The following HECTD4 variants were observed in gnomAD, a reference collection of about 807,000 sequenced individuals.
HECTD4 encodes HECT domain E3 ubiquitin protein ligase 4, also known as probable E3 ubiquitin-protein ligase HECTD4.
In HECTD4, 114 loss-of-function variants were observed where a neutral mutation model predicts 471.5. That is an observed-to-expected ratio of 0.24 (90% CI 0.21 to 0.28). The LOEUF (loss-of-function observed/expected upper bound fraction) is 0.28, where lower values mean the gene tolerates loss of function less well. HECTD4 is among the 10% of genes least tolerant of loss of function. HECTD4 has a pLI of 1.00. For missense variants in HECTD4, 3,866 were observed against 5,651.5 expected (o/e 0.68, Z 10.13); for synonymous variants, 2,012 against 2,256.0 (o/e 0.89, Z 3.07).
At chr12:112,219,299 A>T (rs1566076824) in intron 45 of HECTD4, 87 bp downstream of exon 45, 35 of 927,900 alleles carry the variant, frequency 3.8e-5, no homozygotes, top group East Asian at 2.6e-5. Flanking sequence ...GCAAACACTT[A>T]TTCTAAATGT....
intron 72 of HECTD4, 131 bp downstream of exon 72, chr12:112,167,186 C>T (rs1241321150): frequency 2.8e-6 from 2 of 723,660 alleles, no homozygotes; most frequent in Non-Finnish European, 4.5e-6. Context: ...GCACATGGCT[C>T]ACACCCCTAA....
Position 112,167,907 on chromosome 12 carries a change from G to C in HECTD4, c.12219C>G (p.Phe4073Leu). 1.2e-6 allele frequency: 2 copies of C among 1,613,184 alleles called. No homozygotes were observed. The highest frequency in any genetic ancestry group is 1.7e-6 in the Non-Finnish European group (2 of 1,179,816). The change falls in exon 71 of 76, where the codon TTC (phenylalanine) becomes TTG (leucine). Residue 4073 changes from phenylalanine to leucine, a missense_variant. By Grantham distance (22) the Phe-to-Leu change is conservative. Transcript: ENST00000682272. ...GEEVHGTSGS[F>L]RHFLWQVCKE... ...TACACACCTGCCACAGGAAGTGGCG[G>C]AAAGAGCCGCCTGTAGGACAGACGA...
At position 112,250,226 on chromosome 12, in the gene HECTD4, G is replaced by A; in HGVS notation, c.3868C>T (p.Arg1290Trp). 6 of 1,613,938 alleles carry A rather than the reference G, an allele frequency of 3.7e-6. No individual in the cohort carries two copies. The highest frequency in any genetic ancestry group is 1.1e-5 in the South Asian group (1 of 91,076). ...ATGATTCCTGGAGGCAGTCTGATCC[G>A]AGGCAGATCAAAGTAGTTTCCAACA... ...PPVGNYFDLPRIRLPPGIMIK... is the reference protein window; with the variant it reads ...PPVGNYFDLPWIRLPPGIMIK... The change falls in exon 25 of 76, where the codon CGG (arginine) becomes TGG (tryptophan). Residue 1290 changes from arginine (R) to tryptophan (W), a missense_variant. Around this residue, in one of 16 missense-constraint regions of HECTD4, gnomAD observed 281 missense variants for 499.9 expected, o/e 0.56. Coordinates refer to ENST00000682272, the MANE Select transcript of HECTD4 (RefSeq NM_001388303.1).
In HECTD4 at chr12:112,164,110, C is replaced by T. The variant is rs771827069; in HGVS notation, c.12700G>A (p.Ala4234Thr). ...LCSRGRHILV[A>T]WENKDIYAAA... ...CCCCTGACACGCGCACACACTCACG[C>T]CACAAGGATGTGCCGGCCCCGGCTG... Residue 4234 changes from alanine (A) to threonine (T), a missense_variant and splice_region_variant, in exon 73 of 76, where the codon GCG becomes ACG. Physicochemically the swap from Ala to Thr is moderately conservative, Grantham distance 58 (BLOSUM62 0). Transcript: ENST00000682272. 3.0e-5 allele frequency: 48 copies of T among 1,583,986 alleles called. No homozygotes were observed. The South Asian group carries it at 5.3e-4, about 17-fold the overall frequency.
At position 112,239,861 on chromosome 12, in the gene HECTD4, A is replaced by T; in HGVS notation, c.5105+20T>A. On this transcript the variant is annotated intron_variant, in intron 33 of 75. Coordinates refer to ENST00000682272, the MANE Select transcript of HECTD4 (RefSeq NM_001388303.1). This position sits in a 1 kb window ranked among gnomAD's most constrained non-coding sequence, Gnocchi z 4.9. ...ACTGCAGGGTAACTTACATACAACA[A>T]AAGGCCTTTCCGTACTTACCTGGTG... 6.3e-7 allele frequency: 1 copy of T among 1,599,884 alleles called. No homozygotes were observed. Among genetic ancestry groups the T allele is most frequent in the Non-Finnish European group, 8.5e-7 (1 of 1,170,730 alleles).
At chr12:112,244,111 A>G (rs910974215) in intron 29 of HECTD4, 102 bp from the exon 30 acceptor site, 2 of 1,229,720 alleles carry the variant, frequency 1.6e-6, no homozygotes, top group Middle Eastern at 2.2e-4. Context: ...TTTGCTTTCT[A>G]TCACAGTTCA....
Position 112,256,421 on chromosome 12 carries a change from T to G in HECTD4, c.3226A>C (p.Arg1076=). The part of the protein sequence containing the change: ...GKTVETVHPV[R]DNYKFKETVH... ...GTTTCTTTAAATTTATAGTTGTCTCTGACGGGGTGGACTGTTTCCACAGTC... is the reference window on the plus strand; with the variant it reads ...GTTTCTTTAAATTTATAGTTGTCTCGGACGGGGTGGACTGTTTCCACAGTC... The change falls in exon 21 of 76, where the codon AGA becomes CGA. Residue 1076 remains arginine, a synonymous_variant. Transcript: ENST00000682272. The G allele has an allele frequency of 1.9e-6, 3 of 1,613,300 alleles. No homozygotes were observed. The highest frequency in any genetic ancestry group is 2.5e-6 in the Non-Finnish European group (3 of 1,179,550).
chr12:112,293,038 A>G (rs1411016244), intron 7 of HECTD4, among the ~76,000 whole-genome samples: 1 of 150,832 alleles, frequency 6.6e-6, no homozygotes, highest in East Asian at 2.0e-4. Context: ...AAGTAAAAAA[A>G]TATTTCATGA....
intron 1 of HECTD4, among the ~76,000 whole-genome samples, chr12:112,326,012 T>C (rs928128960): frequency 2.6e-4 from 39 of 152,156 alleles, no homozygotes; most frequent in African/African-American, 9.4e-4. Context: ...TAGTCTCAAA[T>C]TCCTGGGCTC....
At position 112,213,718 on chromosome 12, in the gene HECTD4, AT is replaced by A. The variant is rs201280064; in HGVS notation, c.7466-1069del. Among the ~76,000 whole-genome samples the A allele has an allele frequency of 0.19, 26,880 of 143,850 alleles. 4,244 individuals are homozygous for A. Among genetic ancestry groups the A allele is most frequent in the East Asian group, 0.84 (4,189 of 4,984 alleles). 94.4% of individuals were successfully genotyped at this position (143,850 alleles called of 152,430 possible). ...TATATACATATATATATATATATAT[AT>A]AATATATATATAAAATTTAAGGCCA... On this transcript the variant is annotated intron_variant, in intron 48 of 75. Transcript: ENST00000682272. This position sits in a 1 kb window ranked among gnomAD's most constrained non-coding sequence, Gnocchi z 4.0.
chr12:112,161,803 A>C lies in HECTD4; in HGVS notation c.*584T>G, dbSNP rs1409475224. ...TGTGGGCTTTTCCTCAGAAAAACCA[A>C]GACCGGGAGCAAGTTCTAAAGCAGG... On this transcript the variant is annotated 3_prime_UTR_variant, in exon 76 of 76. Coordinates refer to ENST00000682272, the MANE Select transcript of HECTD4 (RefSeq NM_001388303.1). The C allele has an allele frequency of 6.6e-6, 1 of 152,314 alleles. No individual in the cohort carries two copies. The highest frequency in any genetic ancestry group is 2.4e-5 in the African/African-American group (1 of 41,468). The allele number at this position is 152,314 out of a possible 1,614,324, so 9.4% of individuals were successfully genotyped here.
chr12:112,201,713 A>G (rs2032436030), intron 54 of HECTD4, among the ~76,000 whole-genome samples: 1 of 152,204 alleles, frequency 6.6e-6, no homozygotes, highest in South Asian at 2.1e-4. Flanking sequence ...CAATGTAATC[A>G]TAAGTTAGCA....
At chr12:112,375,304 A>G (rs2036756304) in intron 1 of HECTD4, among the ~76,000 whole-genome samples, 1 of 152,208 alleles carries the variant, frequency 6.6e-6, no homozygotes, top group African/African-American at 2.4e-5. Flanking sequence ...GCTGACGGAC[A>G]TTTGGATTGT....
intron 1 of HECTD4, among the ~76,000 whole-genome samples, chr12:112,320,425 C>T (rs1214681707): frequency 6.6e-6 from 1 of 152,038 alleles, no homozygotes. Flanking sequence ...CTAGGACAGG[C>T]GCGGTGGCTC....
At chr12:112,351,809 T>C (rs1352952129) in intron 1 of HECTD4, among the ~76,000 whole-genome samples, 1 of 152,244 alleles carries the variant, frequency 6.6e-6, no homozygotes, top group African/African-American at 2.4e-5. Context: ...CATAGCCTAA[T>C]AGATAAAATT....
At chr12:112,359,986 C>A (rs1261856817) in intron 1 of HECTD4, among the ~76,000 whole-genome samples, 2 of 152,210 alleles carry the variant, frequency 1.3e-5, no homozygotes, top group Non-Finnish European at 1.5e-5. Context: ...ACAGGTGCAA[C>A]AATGGACTTT....
chr12:112,349,281 G>A (rs1005226360), intron 1 of HECTD4, among the ~76,000 whole-genome samples: 1 of 151,304 alleles, frequency 6.6e-6, no homozygotes, highest in Non-Finnish European at 1.5e-5. Flanking sequence ...CCCAGCTACT[G>A]GGGAGGCTGA....
intron 7 of HECTD4, among the ~76,000 whole-genome samples, chr12:112,289,879 G>T (rs1226125275): frequency 3.3e-5 from 5 of 152,078 alleles, no homozygotes; most frequent in Non-Finnish European, 1.5e-5. Flanking sequence ...GTTTCACCAT[G>T]TTGGCCAGGC....
intron 1 of HECTD4, among the ~76,000 whole-genome samples, chr12:112,328,227 C>T (rs1307181999): frequency 6.6e-6 from 1 of 152,044 alleles, no homozygotes; most frequent in Non-Finnish European, 1.5e-5. Flanking sequence ...CAACCTCCAC[C>T]ACCTGGGCTC....
Sources: allele counts gnomAD v4.1 joint callset (sites outside exome capture counted in the v4.1 genomes callset), GRCh38; gene constraint gnomAD v4.1.1; regional missense constraint gnomAD v4.1.1; non-coding constraint Gnocchi (gnomAD v3.1); transcripts MANE v1.5; gene names NCBI Gene and HGNC (gene_info 2026-07-23, HGNC 2026-07-21).